The following AFF2 variants were observed in gnomAD, a reference collection of about 807,000 sequenced individuals.
The protein encoded by AFF2 is ALF transcription elongation factor 2, also known as AF4/FMR2 family member 2.
AFF2 carries 14 observed loss-of-function variants against 76.9 expected under a neutral mutation model. That is an observed-to-expected ratio of 0.18 (90% CI 0.12 to 0.28). The LOEUF (loss-of-function observed/expected upper bound fraction) is 0.28, where lower values mean the gene tolerates loss of function less well. AFF2 is among the 10% of genes least tolerant of loss of function. The pLI, the probability that AFF2 is intolerant of heterozygous loss-of-function variation, is 1.00. For missense variants in AFF2, 868 were observed against 1,001.1 expected (o/e 0.87, Z 1.79); for synonymous variants, 398 against 366.7 (o/e 1.09, Z -0.98).
intron 3 of AFF2, among the ~76,000 whole-genome samples, chrX:148,760,728 G>A (rs2069429517): frequency 8.9e-6 from 1 of 112,161 alleles, no homozygotes; most frequent in African/African-American, 3.2e-5. Context: ...CCTAGAGTTT[G>A]TATTGTTCAT....
intron 4 of AFF2, among the ~76,000 whole-genome samples, chrX:148,833,718 A>G (rs892277258): frequency 8.9e-5 from 10 of 112,113 alleles, no homozygotes; most frequent in Non-Finnish European, 1.5e-4. Context: ...TTGTGCTTCA[A>G]TTCCTTGTCT....
intron 3 of AFF2, among the ~76,000 whole-genome samples, chrX:148,714,668 C>A (rs983291769): frequency 2.7e-5 from 3 of 111,102 alleles, no homozygotes; most frequent in Non-Finnish European, 5.7e-5. Context: ...TACTGAGAAC[C>A]AAAATTTTAT....
intron 3 of AFF2, among the ~76,000 whole-genome samples, chrX:148,756,342 G>T (rs1362339461): frequency 8.9e-6 from 1 of 112,342 alleles, no homozygotes; most frequent in Non-Finnish European, 1.9e-5. Context: ...AATACAGTGA[G>T]CTTCTCTCCT....
At chrX:148,890,960 T>G (rs1474368030) in intron 8 of AFF2, among the ~76,000 whole-genome samples, 2 of 112,403 alleles carry the variant, frequency 1.8e-5, no homozygotes, top group Non-Finnish European at 3.8e-5. Flanking sequence ...TGTGCTGCAA[T>G]GTATTTTTTA....
intron 3 of AFF2, among the ~76,000 whole-genome samples, chrX:148,734,512 A>G (rs1206940757): frequency 2.7e-5 from 3 of 111,629 alleles, no homozygotes; most frequent in Non-Finnish European, 3.8e-5. Flanking sequence ...GCTTTATTCA[A>G]TTCGCCACAC....
At chrX:148,831,727 C>T (rs1412645465) in intron 4 of AFF2, among the ~76,000 whole-genome samples, 1 of 112,372 alleles carries the variant, frequency 8.9e-6, no homozygotes, top group Non-Finnish European at 1.9e-5. Flanking sequence ...AGCCCCAGGG[C>T]AGCCCTTTCT....
intron 19 of AFF2, among the ~76,000 whole-genome samples, chrX:148,984,286 A>G (rs996582753): frequency 1.1e-4 from 12 of 111,300 alleles, no homozygotes; most frequent in Non-Finnish European, 2.3e-4. Flanking sequence ...TAGAGGTGAG[A>G]GGATGGTGGG....
At chrX:148,508,061 G>A (rs782251436) in intron 1 of AFF2, among the ~76,000 whole-genome samples, 1 of 112,674 alleles carries the variant, frequency 8.9e-6, no homozygotes, top group East Asian at 2.8e-4. Context: ...GCCACACTTT[G>A]AGGATTAAGC....
chrX:148,666,422 C>T (rs1040096067), intron 3 of AFF2, among the ~76,000 whole-genome samples: 13 of 109,252 alleles, frequency 1.2e-4, no homozygotes, highest in Non-Finnish European at 2.5e-4. Flanking sequence ...CCATCTCTAC[C>T]AAAAATACAA....
At position 148,936,955 on chromosome X, in the gene AFF2, A is replaced by G. The variant is rs1477030187; in HGVS notation, c.1398-16625A>G. 4.5e-5 allele frequency among the ~76,000 whole-genome samples: 5 copies of G among 112,243 alleles called. No homozygotes were observed. In the Admixed American group the frequency reaches 4.7e-4, roughly 11 times the overall value. On this transcript the variant is annotated intron_variant, in intron 9 of 20. Transcript: ENST00000370460. The stretch of plus-strand genomic sequence containing the variant: ...GCAGGGCTGAAATACTCAGGTTAAT[A>G]TGTGACATTACTCAGAGGCTCAGTA...
At chrX:148,789,918 G>C (rs1264509522) in intron 3 of AFF2, among the ~76,000 whole-genome samples, 1 of 111,346 alleles carries the variant, frequency 9.0e-6, no homozygotes, top group Admixed American at 9.6e-5. Flanking sequence ...TCTAAAGAGG[G>C]GGAAGTATAA....
intron 3 of AFF2, among the ~76,000 whole-genome samples, chrX:148,781,929 T>G (rs1291529620): frequency 9.0e-6 from 1 of 111,282 alleles, no homozygotes. Context: ...CTTCCTTTAG[T>G]TAGGGGAGGG....
intron 1 of AFF2, among the ~76,000 whole-genome samples, chrX:148,601,239 G>T (rs1230255043): frequency 8.9e-6 from 1 of 112,313 alleles, no homozygotes; most frequent in Non-Finnish European, 1.9e-5. Flanking sequence ...GAATGAGGCA[G>T]CTTAAGAAGC....
intron 7 of AFF2, among the ~76,000 whole-genome samples, chrX:148,885,421 G>T (rs782076285): frequency 4.5e-5 from 5 of 111,226 alleles, no homozygotes; most frequent in Non-Finnish European, 9.4e-5. Flanking sequence ...GGCAGTGCAG[G>T]TTCACTGTGC....
chrX:148,522,149 G>A (rs181705243), intron 1 of AFF2, among the ~76,000 whole-genome samples: 93 of 112,472 alleles, frequency 8.3e-4, no homozygotes, highest in African/African-American at 2.8e-3. Flanking sequence ...TCAAATCACG[G>A]CTGTTACTTG....
At chrX:148,762,420 T>C (rs191614778) in intron 3 of AFF2, among the ~76,000 whole-genome samples, 20 of 101,110 alleles carry the variant, frequency 2.0e-4, no homozygotes, top group Non-Finnish European at 2.7e-4. Flanking sequence ...TATATATATA[T>C]ACACATGCAC....
chrX:148,612,865 C>G (rs1439097858), intron 1 of AFF2, among the ~76,000 whole-genome samples: 1 of 111,522 alleles, frequency 9.0e-6, no homozygotes, highest in African/African-American at 3.3e-5. Context: ...TGAAACTTGG[C>G]TCTTGAAAAG....
intron 9 of AFF2, among the ~76,000 whole-genome samples, chrX:148,929,841 G>A (rs782414254): frequency 4.7e-4 from 53 of 112,033 alleles, no homozygotes; most frequent in Admixed American, 2.7e-3. Context: ...TACAAAATGA[G>A]TCACACTCTA....
intron 9 of AFF2, among the ~76,000 whole-genome samples, chrX:148,927,528 A>C (rs955702855): frequency 2.7e-5 from 3 of 110,368 alleles, no homozygotes; most frequent in Non-Finnish European, 5.7e-5. Flanking sequence ...CCAGGGCTCA[A>C]ACTCCACTAT....
Sources: gnomAD v4.1 joint callset for allele counts (sites outside exome capture counted in the v4.1 genomes callset) on GRCh38, gnomAD v4.1.1 for gene constraint, MANE v1.5 for transcripts, NCBI Gene and HGNC (gene_info 2026-07-23, HGNC 2026-07-21) for gene names.